EYA2: variants seen among roughly 807,000 people sequenced by gnomAD.
EYA2 encodes protein phosphatase EYA2.
In EYA2, 31 loss-of-function variants were observed where a neutral mutation model predicts 69.2. The observed-to-expected ratio is 0.45, with a 90% CI of 0.34 to 0.60. EYA2 has a LOEUF of 0.60. Among genes scored for constraint, EYA2 ranks in the 20% least tolerant of loss-of-function variants. EYA2 has a pLI of 0.02. For synonymous variants in EYA2, 257 were observed against 279.4 expected (o/e 0.92, Z 0.80); for missense variants, 622 against 701.2 (o/e 0.89, Z 1.28).
chr20:47,125,047 G>GTTTTTTT, intron 9 of EYA2, among the ~76,000 whole-genome samples: 1 of 88,394 alleles, frequency 1.1e-5, no homozygotes, highest in Non-Finnish European at 2.3e-5. Context: ...TTTTGGTTAA[G>GTTTTTTT]TTTTTTTTTT....
chr20:47,125,257 GTAT>G (rs1334753850), intron 9 of EYA2, among the ~76,000 whole-genome samples: 1 of 151,746 alleles, frequency 6.6e-6, no homozygotes, highest in African/African-American at 2.4e-5. Flanking sequence ...GGGTTTCACT[GTAT>G]TAGCCAGGAT....
chr20:47,028,229 G>A (rs1984207417), intron 5 of EYA2, among the ~76,000 whole-genome samples: 1 of 152,232 alleles, frequency 6.6e-6, no homozygotes. Context: ...CTGGCACGTT[G>A]ACCTTGGACT....
chr20:46,980,019 C>T (rs971408971), intron 1 of EYA2, among the ~76,000 whole-genome samples: 13 of 152,154 alleles, frequency 8.5e-5, no homozygotes, highest in Admixed American at 3.9e-4. Flanking sequence ...GCAGATAACA[C>T]GTCTGGTGCT....
At chr20:47,095,672 AATG>A (rs2032226408) in intron 8 of EYA2, 1 of 152,228 alleles carries the variant, frequency 6.6e-6, no homozygotes. Context: ...ACTTAAAAAA[AATG>A]ATGAAAGAAT....
At chr20:46,970,302 G>A (rs1600593224) in intron 1 of EYA2, among the ~76,000 whole-genome samples, 1 of 152,232 alleles carries the variant, frequency 6.6e-6, no homozygotes, top group African/African-American at 2.4e-5. Flanking sequence ...TAGAAATTAG[G>A]GTTTTCTGCT....
chr20:46,912,381 G>A (rs745979390), intron 1 of EYA2, among the ~76,000 whole-genome samples: 5 of 152,074 alleles, frequency 3.3e-5, no homozygotes, highest in South Asian at 4.1e-4. Context: ...AAATCCTGTC[G>A]AGTGTCTGAA....
At chr20:47,158,913 AAGG>A (rs1469664562) in intron 10 of EYA2, among the ~76,000 whole-genome samples, 4 of 152,140 alleles carry the variant, frequency 2.6e-5, no homozygotes, top group African/African-American at 7.2e-5. Context: ...AATAAATAAA[AAGG>A]AGAGCAAAAT....
At chr20:47,171,783 C>G (rs956414476) in intron 11 of EYA2, among the ~76,000 whole-genome samples, 7 of 151,994 alleles carry the variant, frequency 4.6e-5, no homozygotes, top group Non-Finnish European at 8.8e-5. Context: ...TAATGGTGAG[C>G]GTTCACTTTT....
At chr20:47,085,554 G>A (rs757578674) in intron 7 of EYA2, among the ~76,000 whole-genome samples, 64 of 151,904 alleles carry the variant, frequency 4.2e-4, no homozygotes, top group Non-Finnish European at 6.9e-4. Flanking sequence ...GCCAAGGCAG[G>A]AGAATCGCTT....
At chr20:47,062,940 C>T (rs915034354) in intron 5 of EYA2, among the ~76,000 whole-genome samples, 8 of 152,054 alleles carry the variant, frequency 5.3e-5, no homozygotes, top group Non-Finnish European at 8.8e-5. Flanking sequence ...TGGCAGAAGG[C>T]GGGGGTTCTG....
intron 1 of EYA2, among the ~76,000 whole-genome samples, chr20:46,922,737 A>G (rs895673171): frequency 3.3e-5 from 5 of 152,160 alleles, no homozygotes; most frequent in African/African-American, 2.4e-5. Flanking sequence ...TCATCAATAG[A>G]TGCTGAATTT....
chr20:47,003,400 C>G (rs1036407992), intron 3 of EYA2, among the ~76,000 whole-genome samples: 1 of 152,210 alleles, frequency 6.6e-6, no homozygotes, highest in Non-Finnish European at 1.5e-5. Context: ...GGAAGTGGCC[C>G]TTGTAGGCAT....
chr20:47,039,111 TCACACACA>T (rs11467574), intron 5 of EYA2, among the ~76,000 whole-genome samples: 1 of 149,868 alleles, frequency 6.7e-6, no homozygotes, highest in Non-Finnish European at 1.5e-5. Flanking sequence ...GATGTCGAAA[TCACACACA>T]CACACACACA....
chr20:47,172,575 A>G, intron 11 of EYA2, 132 bp from the exon 12 acceptor site: 1 of 822,604 alleles, frequency 1.2e-6, no homozygotes, highest in Non-Finnish European at 1.9e-6. Flanking sequence ...CACTCGCAGC[A>G]CCCTGTGCAT....
At chr20:47,186,154 C>A (rs1298347506) in intron 15 of EYA2, among the ~76,000 whole-genome samples, 2 of 152,056 alleles carry the variant, frequency 1.3e-5, no homozygotes, top group Non-Finnish European at 2.9e-5. Context: ...AGGAGATGAA[C>A]TTATCTTGTT....
At chr20:47,116,044 A>G (rs1568787832) in intron 9 of EYA2, among the ~76,000 whole-genome samples, 1 of 152,182 alleles carries the variant, frequency 6.6e-6, no homozygotes, top group Non-Finnish European at 1.5e-5. Flanking sequence ...ACGCTTCCCA[A>G]TCTTTCCAAG....
intron 1 of EYA2, among the ~76,000 whole-genome samples, chr20:46,930,151 T>C (rs572017937): frequency 1.3e-5 from 2 of 152,336 alleles, no homozygotes; most frequent in South Asian, 2.1e-4. Context: ...ACAAGTTGAC[T>C]GTGGTCCTCC....
chr20:46,984,574 G>A (rs1981061127), intron 1 of EYA2, among the ~76,000 whole-genome samples: 1 of 152,116 alleles, frequency 6.6e-6, no homozygotes, highest in Admixed American at 6.5e-5. Context: ...AGTAGAAAGT[G>A]GGGCCGTGCC....
intron 1 of EYA2, among the ~76,000 whole-genome samples, chr20:46,936,706 G>A (rs1019192955): frequency 6.6e-6 from 1 of 152,116 alleles, no homozygotes; most frequent in African/African-American, 2.4e-5. Context: ...CAGAACAGGA[G>A]AAGGAGGCTG....
Sources: allele counts gnomAD v4.1 joint callset (sites outside exome capture counted in the v4.1 genomes callset), GRCh38; gene constraint gnomAD v4.1.1; transcripts MANE v1.5; gene names NCBI Gene and HGNC (gene_info 2026-07-23, HGNC 2026-07-21).